The following ITGA8 variants were observed in gnomAD, a reference collection of about 807,000 sequenced individuals.
ITGA8 encodes the protein integrin subunit alpha 8.
In ITGA8, 91 loss-of-function variants were observed where a neutral mutation model predicts 142.3. The ratio of observed to expected loss-of-function variants is 0.64; its 90% CI spans 0.54 to 0.76. ITGA8 has a LOEUF of 0.76. ITGA8 is among the 30% of genes least tolerant of loss of function. The pLI, the probability that ITGA8 is intolerant of heterozygous loss-of-function variation, is 0.00. For missense variants in ITGA8, 1,406 were observed against 1,327.7 expected, an observed-to-expected ratio of 1.06 and a Z score of -0.92; for synonymous variants, 505 against 485.2, an observed-to-expected ratio of 1.04 and a Z score of -0.54.
chr10:15,715,429 T>C (rs1396787637), intron 2 of ITGA8, among the ~76,000 whole-genome samples: 1 of 152,118 alleles, frequency 6.6e-6, no homozygotes, highest in African/African-American at 2.4e-5. Context: ...TCTATCAGGG[T>C]CAATCCTCTC....
intron 8 of ITGA8, among the ~76,000 whole-genome samples, chr10:15,664,334 A>G (rs1408794252): frequency 6.6e-6 from 1 of 152,170 alleles, no homozygotes; most frequent in Non-Finnish European, 1.5e-5. Flanking sequence ...CAAGTCCTTT[A>G]TGAATTAGTT....
chr10:15,616,193 T>C (rs1341292162), intron 14 of ITGA8, among the ~76,000 whole-genome samples: 2 of 152,214 alleles, frequency 1.3e-5, no homozygotes, highest in Non-Finnish European at 2.9e-5. Context: ...TCTTTACAAG[T>C]GAACATTTCA....
chr10:15,660,455 G>A (rs1834263323), intron 9 of ITGA8, among the ~76,000 whole-genome samples: 1 of 152,198 alleles, frequency 6.6e-6, no homozygotes, highest in African/African-American at 2.4e-5. Context: ...CTTCATAAAG[G>A]AAGTTTTAAA....
chr10:15,683,320 C>T (rs1834776170), intron 4 of ITGA8, among the ~76,000 whole-genome samples: 2 of 136,654 alleles, frequency 1.5e-5, no homozygotes, highest in African/African-American at 5.6e-5. Flanking sequence ...CACCCACCCA[C>T]CCACCCACCC....
intron 28 of ITGA8, among the ~76,000 whole-genome samples, chr10:15,521,423 G>A (rs1833066942): frequency 1.3e-5 from 2 of 152,120 alleles, no homozygotes; most frequent in Non-Finnish European, 2.9e-5. Context: ...CATCCCCCAT[G>A]CAGCAGATGC....
chr10:15,597,693 T>G (rs920442988), intron 20 of ITGA8, among the ~76,000 whole-genome samples: 1 of 152,200 alleles, frequency 6.6e-6, no homozygotes, highest in Non-Finnish European at 1.5e-5. Context: ...ATAATGTGTA[T>G]AGATTATCAT....
At chr10:15,650,852 A>G (rs899145112) in intron 11 of ITGA8, among the ~76,000 whole-genome samples, 1 of 152,226 alleles carries the variant, frequency 6.6e-6, no homozygotes, top group African/African-American at 2.4e-5. Context: ...GATAGGCAAG[A>G]GCTAACATCA....
At chr10:15,551,513 A>T (rs1022699710) in intron 26 of ITGA8, among the ~76,000 whole-genome samples, 1 of 152,128 alleles carries the variant, frequency 6.6e-6, no homozygotes, top group Non-Finnish European at 1.5e-5. Flanking sequence ...AAGACAGGAA[A>T]GTTTGGAGAG....
intron 25 of ITGA8, among the ~76,000 whole-genome samples, chr10:15,564,257 A>G (rs1326784855): frequency 6.6e-6 from 1 of 152,232 alleles, no homozygotes; most frequent in Non-Finnish European, 1.5e-5. Flanking sequence ...TTTAAAAACA[A>G]AACAAAACAA....
At chr10:15,537,297 C>G (rs925029651) in intron 27 of ITGA8, among the ~76,000 whole-genome samples, 1 of 152,152 alleles carries the variant, frequency 6.6e-6, no homozygotes, top group Non-Finnish European at 1.5e-5. Flanking sequence ...ATTATAATAA[C>G]GCATTCCTCT....
intron 2 of ITGA8, among the ~76,000 whole-genome samples, chr10:15,698,627 CA>C (rs1490579943): frequency 3.3e-5 from 5 of 152,168 alleles, no homozygotes; most frequent in Non-Finnish European, 5.9e-5. Context: ...GGTGGTATCA[CA>C]TCGTGGTTTT....
At chr10:15,620,864 T>C (rs1248147688) in intron 13 of ITGA8, among the ~76,000 whole-genome samples, 2 of 152,246 alleles carry the variant, frequency 1.3e-5, no homozygotes, top group Non-Finnish European at 2.9e-5. Context: ...CATTTATATT[T>C]ATGCTGGAGT....
At chr10:15,716,245 C>G (rs1395004708) in intron 2 of ITGA8, among the ~76,000 whole-genome samples, 1 of 152,036 alleles carries the variant, frequency 6.6e-6, no homozygotes, top group Non-Finnish European at 1.5e-5. Context: ...TTTGTGAATT[C>G]TGAAATTATT....
chr10:15,716,670 A>ATTTTT lies in ITGA8; in HGVS notation c.343+2091_343+2095dup, dbSNP rs796458374. On this transcript the variant is annotated intron_variant, in intron 2 of 29. Transcript: ENST00000378076. ...GAACTTGGAAAATATAACCTATTGTATTTTTTTTTTTTTTTTTGAGATGGA... is the reference window on the plus strand; with the variant it reads ...GAACTTGGAAAATATAACCTATTGTATTTTTTTTTTTTTTTTTTTTTTGAGATGGA... 3.7e-3 allele frequency among the ~76,000 whole-genome samples: 503 copies of ATTTTT among 135,034 alleles called. 5 individuals are homozygous for ATTTTT. The highest frequency in any genetic ancestry group is 0.013 in the African/African-American group (482 of 35,962). 88.6% of individuals were successfully genotyped at this position (135,034 alleles called of 152,430 possible). A position where few individuals can be genotyped will look rare whatever the true frequency, so the allele number is the denominator to read the frequency against.
In ITGA8 at chr10:15,575,534, G is replaced by T. The variant is rs750922128; in HGVS notation, c.2433C>A (p.Pro811=). Residue 811 remains proline (P), a synonymous_variant, in exon 24 of 30, where the codon CCC becomes CCA. Transcript: ENST00000378076. ...PIHNWEPEEE[P]HKEEEVGPLV... is the part of the protein sequence containing the mutation. ...ATGGTCCAACCTCCTCCTCTTTGTG[G>T]GGCTCCTCTTCTGGTTCCCAGTTAT... is the stretch of plus-strand genomic sequence containing the variant. The T allele has an allele frequency of 6.2e-7, 1 of 1,614,016 alleles. No homozygotes were observed. Among genetic ancestry groups the T allele is most frequent in the South Asian group, 1.1e-5 (1 of 91,068 alleles).
intron 6 of ITGA8, among the ~76,000 whole-genome samples, chr10:15,673,204 C>A (rs1834562597): frequency 6.6e-6 from 1 of 152,150 alleles, no homozygotes; most frequent in African/African-American, 2.4e-5. Flanking sequence ...CTGCTTCAGC[C>A]TCCCAAGTAG....
In ITGA8 at chr10:15,584,279, G is replaced by A. The variant is rs546865541; in HGVS notation, c.2372+2305C>T. Among the ~76,000 whole-genome samples the A allele has an allele frequency of 1.1e-3, 169 of 150,094 alleles. 1 individual carries two copies. Among genetic ancestry groups the A allele is most frequent in the Middle Eastern group, 6.8e-3 (2 of 292 alleles). ...GCCACTGCACTCCAGCCTGGGTGATGCAGCGAGACTGTCAAGAAAAAGAAA... is the reference window on the plus strand; with the variant it reads ...GCCACTGCACTCCAGCCTGGGTGATACAGCGAGACTGTCAAGAAAAAGAAA... On this transcript the variant is annotated intron_variant, in intron 23 of 29. Coordinates refer to ENST00000378076, the MANE Select transcript of ITGA8 (RefSeq NM_003638.3).
At chr10:15,685,727 A>G (rs965740465) in intron 3 of ITGA8, among the ~76,000 whole-genome samples, 2 of 152,190 alleles carry the variant, frequency 1.3e-5, no homozygotes, top group African/African-American at 4.8e-5. Flanking sequence ...ATTATGGTAA[A>G]AAGAGGGAAC....
intron 2 of ITGA8, among the ~76,000 whole-genome samples, chr10:15,694,003 G>A (rs1204215031): frequency 6.6e-6 from 1 of 150,892 alleles, no homozygotes; most frequent in Admixed American, 6.7e-5. Context: ...TGTTGATGTT[G>A]TACTACAGAG....
Sources: allele counts gnomAD v4.1 joint callset (sites outside exome capture counted in the v4.1 genomes callset), GRCh38; gene constraint gnomAD v4.1.1; transcripts MANE v1.5; gene names NCBI Gene and HGNC (gene_info 2026-07-23, HGNC 2026-07-21).